The following SEC24D variants were observed in gnomAD, a reference collection of about 807,000 sequenced individuals.
The protein encoded by SEC24D is SEC24 homolog D, COPII component.
Under a neutral mutation model 116.9 loss-of-function variants are expected in SEC24D, and 69 were observed. The observed-to-expected ratio is 0.59, with a 90% confidence interval of 0.49 to 0.72. SEC24D has a LOEUF of 0.72. SEC24D is among the 30% of genes least tolerant of loss of function. The pLI is 0.00. For synonymous variants in SEC24D, 405 were observed against 442.8 expected, an observed-to-expected ratio of 0.91 and a Z score of 1.07; for missense variants, 1,131 against 1,264.1, an observed-to-expected ratio of 0.89 and a Z score of 1.60.
intron 9 of SEC24D, among the ~76,000 whole-genome samples, chr4:118,767,890 G>A (rs1295253241): frequency 6.6e-6 from 1 of 152,186 alleles, no homozygotes; most frequent in Admixed American, 6.5e-5. Context: ...GTTTCCCACT[G>A]AGGCTTTGTG....
At position 118,791,307 on chromosome 4, in the gene SEC24D, G is replaced by C. The variant is rs1728883323; in HGVS notation, c.1041+6376C>G. On this transcript the variant is annotated intron_variant, in intron 8 of 22. Transcript: ENST00000280551. Reference sequence around the variant, plus strand: ...AGTATGGGACTGAAAATGTAAAAACGAATGAATGAATGAGTAACAGCGCAG... The same window carrying C: ...AGTATGGGACTGAAAATGTAAAAACCAATGAATGAATGAGTAACAGCGCAG... Among the ~76,000 whole-genome samples, 3 of 151,966 alleles carry C rather than the reference G, an allele frequency of 2.0e-5. No individual in the cohort carries two copies. The South Asian group carries it at 6.3e-4, about 32-fold the overall frequency.
intron 6 of SEC24D, among the ~76,000 whole-genome samples, chr4:118,812,794 G>C (rs1289101823): frequency 6.6e-6 from 1 of 152,188 alleles, no homozygotes; most frequent in Non-Finnish European, 1.5e-5. Context: ...CTGTCCTTGT[G>C]ATAAGGAAGG....
intron 7 of SEC24D, among the ~76,000 whole-genome samples, chr4:118,798,534 G>A (rs530030351): frequency 1.3e-5 from 2 of 152,294 alleles, no homozygotes; most frequent in East Asian, 3.9e-4. Context: ...CTAAAAGAAT[G>A]TAATCATCAA....
At chr4:118,784,740 C>CG (rs1491350320) in intron 8 of SEC24D, among the ~76,000 whole-genome samples, 1 of 44,668 alleles carries the variant, frequency 2.2e-5, no homozygotes, top group Non-Finnish European at 5.8e-5. Context: ...TCCTTCCCTG[C>CG]CCCCCCCCCC....
At chr4:118,736,653 T>A in intron 19 of SEC24D, 1 of 194,144 alleles carries the variant, frequency 5.2e-6, no homozygotes, top group Non-Finnish European at 1.1e-5. Context: ...ACAATACTGT[T>A]TTAGAATCTC....
At chr4:118,783,058 C>A (rs1400336117) in intron 8 of SEC24D, among the ~76,000 whole-genome samples, 1 of 152,218 alleles carries the variant, frequency 6.6e-6, no homozygotes, top group Non-Finnish European at 1.5e-5. Flanking sequence ...CCTTGGGCTT[C>A]CCGGGTGAGG....
At chr4:118,744,510 C>G (rs1200242872) in intron 14 of SEC24D, among the ~76,000 whole-genome samples, 3 of 152,346 alleles carry the variant, frequency 2.0e-5, no homozygotes, top group African/African-American at 7.2e-5. Flanking sequence ...ATATCCATAG[C>G]CTTATCCTTC....
intron 2 of SEC24D, among the ~76,000 whole-genome samples, chr4:118,825,197 C>T (rs1389545099): frequency 6.6e-6 from 1 of 152,160 alleles, no homozygotes; most frequent in East Asian, 1.9e-4. Flanking sequence ...CTTTGACTTA[C>T]AGCACAACAA....
At chr4:118,798,841 A>G (rs1578448196) in intron 7 of SEC24D, among the ~76,000 whole-genome samples, 1 of 152,246 alleles carries the variant, frequency 6.6e-6, no homozygotes, top group Non-Finnish European at 1.5e-5. Flanking sequence ...GGGGAAGGAC[A>G]TGCCCGGAGT....
intron 13 of SEC24D, among the ~76,000 whole-genome samples, chr4:118,751,175 G>GCTTTTTTTTTTTTTTTTTTTTTT (rs1726807481): frequency 1.0e-5 from 1 of 97,328 alleles, no homozygotes; most frequent in African/African-American, 3.2e-5. Flanking sequence ...TAGAGTGAGG[G>GCTTTTTTTTTTTTTTTTTTTTTT]CTTTTTTTTT....
intron 6 of SEC24D, among the ~76,000 whole-genome samples, chr4:118,807,489 A>C (rs1729723651): frequency 6.6e-6 from 1 of 152,008 alleles, no homozygotes; most frequent in Non-Finnish European, 1.5e-5. Context: ...GGAGGAATAA[A>C]AGGAAAAAAA....
chr4:118,798,754 C>T (rs1729291081), intron 7 of SEC24D, among the ~76,000 whole-genome samples: 1 of 152,184 alleles, frequency 6.6e-6, no homozygotes, highest in African/African-American at 2.4e-5. Context: ...TAAATACTTA[C>T]AAGGTAGGCC....
chr4:118,787,840 T>A (rs946668398), intron 8 of SEC24D, among the ~76,000 whole-genome samples: 4 of 152,036 alleles, frequency 2.6e-5, no homozygotes, highest in Non-Finnish European at 5.9e-5. Flanking sequence ...AAAATTAAAG[T>A]CGAGGTCTCA....
At chr4:118,832,779 C>A (rs1374544633) in intron 2 of SEC24D, among the ~76,000 whole-genome samples, 2 of 152,086 alleles carry the variant, frequency 1.3e-5, no homozygotes, top group East Asian at 3.9e-4. Context: ...TTATAATTAT[C>A]ATTATAAATA....
At chr4:118,795,510 A>G (rs1202931838) in intron 8 of SEC24D, among the ~76,000 whole-genome samples, 1 of 152,076 alleles carries the variant, frequency 6.6e-6, no homozygotes, top group Non-Finnish European at 1.5e-5. Flanking sequence ...TGCCCAGCCT[A>G]AAACCTCTTA....
intron 11 of SEC24D, among the ~76,000 whole-genome samples, chr4:118,755,464 C>CA (rs34008479): frequency 0.03 from 2,533 of 85,048 alleles, 36 homozygotes; most frequent in African/African-American, 0.061. Flanking sequence ...AACAAACAGA[C>CA]AAAAAAAAAA....
intron 22 of SEC24D, among the ~76,000 whole-genome samples, chr4:118,724,570 AT>A: frequency 6.6e-6 from 1 of 152,272 alleles, no homozygotes; most frequent in South Asian, 2.1e-4. Context: ...ATTTAAATGA[AT>A]TTTTTCTTTT....
At chr4:118,787,846 T>A (rs1335118091) in intron 8 of SEC24D, among the ~76,000 whole-genome samples, 2 of 152,060 alleles carry the variant, frequency 1.3e-5, no homozygotes, top group Non-Finnish European at 2.9e-5. Context: ...AAAGTCGAGG[T>A]CTCACTCTGA....
chr4:118,793,020 A>G (rs1729001693), intron 8 of SEC24D, among the ~76,000 whole-genome samples: 1 of 152,214 alleles, frequency 6.6e-6, no homozygotes, highest in African/African-American at 2.4e-5. Flanking sequence ...TAGGGTATCT[A>G]AGGGGAGTGG....
Sources: allele counts gnomAD v4.1 joint callset (sites outside exome capture counted in the v4.1 genomes callset), GRCh38; gene constraint gnomAD v4.1.1; transcripts MANE v1.5; gene names NCBI Gene and HGNC (gene_info 2026-07-23, HGNC 2026-07-21).